Variants in KLRG1 observed in about 807,000 individuals in gnomAD.
KLRG1 encodes the protein killer cell lectin-like receptor subfamily G member 1.
KLRG1 carries 16 observed loss-of-function variants against 21.8 expected under a neutral mutation model. The observed-to-expected ratio is 0.73, with a 90% CI of 0.50 to 1.11. The LOEUF (loss-of-function observed/expected upper bound fraction) is 1.11, where lower values mean the gene tolerates loss of function less well. KLRG1 is among the 50% of genes most tolerant of loss of function. The probability of loss-of-function intolerance (pLI) is 0.00; values close to 1 mark genes in which losing one functional copy is unlikely to be tolerated. For missense variants in KLRG1, 173 were observed against 218.3 expected (o/e 0.79, Z 1.31); for synonymous variants, 69 against 75.9 (o/e 0.91, Z 0.47).
the KLRG1 span, chr12:9,169,509 G>A: frequency 1.9e-6 from 3 of 1,612,024 alleles, no homozygotes; most frequent in South Asian, 1.1e-5. Context: ...GAAAGGACGG[G>A]GACAGTGTCC....
chr12:9,132,369 T>C, the KLRG1 span, among the ~76,000 whole-genome samples: 1 of 152,244 alleles, frequency 6.6e-6, no homozygotes, highest in Non-Finnish European at 1.5e-5. Context: ...TGAAACAACA[T>C]ACAGTGTTAA....
At chr12:9,202,863 G>C in the KLRG1 span, among the ~76,000 whole-genome samples, 14 of 152,164 alleles carry the variant, frequency 9.2e-5, no homozygotes, top group African/African-American at 3.4e-4. Flanking sequence ...GTATCAGTAA[G>C]AGTGGCCATC....
At chr12:9,197,960 A>G in the KLRG1 span, among the ~76,000 whole-genome samples, 1 of 134,122 alleles carries the variant, frequency 7.5e-6, no homozygotes, top group African/African-American at 2.8e-5. Context: ...TTACATATTT[A>G]TATATTATAT....
chr12:9,205,769 C>A, the KLRG1 span, among the ~76,000 whole-genome samples: 17 of 152,250 alleles, frequency 1.1e-4, no homozygotes, highest in African/African-American at 3.9e-4. Flanking sequence ...GTTTTCTGGA[C>A]AGGCAATTTG....
At chr12:9,189,277 C>G in the KLRG1 span, among the ~76,000 whole-genome samples, 1 of 152,206 alleles carries the variant, frequency 6.6e-6, no homozygotes, top group Non-Finnish European at 1.5e-5. Flanking sequence ...ACCAAAACAG[C>G]ATAGTACTTG....
chr12:9,089,790 AG>A, the KLRG1 span: 1 of 782,146 alleles, frequency 1.3e-6, no homozygotes, highest in Non-Finnish European at 1.8e-6. Context: ...ATCAAGAGAG[AG>A]ATAGGACAGA....
the KLRG1 span, among the ~76,000 whole-genome samples, chr12:9,146,644 A>G: frequency 6.6e-6 from 1 of 152,068 alleles, no homozygotes; most frequent in Non-Finnish European, 1.5e-5. Flanking sequence ...AGTCTTGTAT[A>G]GGAGAAGGTT....
At chr12:8,985,860 C>T (rs1158718847), upstream of KLRG1, among the ~76,000 whole-genome samples, 2 of 152,082 alleles carry the variant, frequency 1.3e-5, no homozygotes, top group East Asian at 1.9e-4. Flanking sequence ...TTGCTGCTGA[C>T]CCCCTCCCCT....
At chr12:9,052,351 A>G in the KLRG1 span, among the ~76,000 whole-genome samples, 1 of 152,134 alleles carries the variant, frequency 6.6e-6, no homozygotes, top group Non-Finnish European at 1.5e-5. Flanking sequence ...CTCCCTCAGC[A>G]TAGTCTGACT....
intron 1 of KLRG1, among the ~76,000 whole-genome samples, chr12:8,967,583 G>A (rs557309186): frequency 2.5e-4 from 32 of 126,478 alleles, no homozygotes; most frequent in African/African-American, 6.9e-4. Flanking sequence ...TTAGCCAGGC[G>A]TGGTGGTGCA....
At chr12:9,197,046 T>C in the KLRG1 span, 1 of 1,613,512 alleles carries the variant, frequency 6.2e-7, no homozygotes, top group Non-Finnish European at 8.5e-7. Flanking sequence ...CTCCTGCTTG[T>C]CACAATTAAG....
At chr12:9,099,409 T>C in the KLRG1 span, 1 of 1,567,506 alleles carries the variant, frequency 6.4e-7, no homozygotes, top group East Asian at 2.4e-5. Context: ...TTCAACATCA[T>C]ATTTTGCAGA....
chr12:9,103,959 T>C, the KLRG1 span, among the ~76,000 whole-genome samples: 4 of 152,208 alleles, frequency 2.6e-5, no homozygotes. Context: ...ATTTGGTAAT[T>C]CTATTTTTTA....
chr12:8,959,084 A>T (rs1274436218), intron 1 of KLRG1, among the ~76,000 whole-genome samples: 1 of 152,222 alleles, frequency 6.6e-6, no homozygotes, highest in African/African-American at 2.4e-5. Flanking sequence ...GGGCCAAGAT[A>T]ACTATAAGAG....
intron 3 of KLRG1, among the ~76,000 whole-genome samples, chr12:9,008,254 G>T (rs947013228): frequency 1.3e-4 from 20 of 152,182 alleles, no homozygotes; most frequent in Admixed American, 1.2e-3. Flanking sequence ...TGCAGCAAAT[G>T]TTTAGCTTCT....
chr12:9,083,905 CA>C, the KLRG1 span, among the ~76,000 whole-genome samples: 317 of 150,818 alleles, frequency 2.1e-3, 2 homozygotes, highest in African/African-American at 7.1e-3. Context: ...AAATCAAAGA[CA>C]AAAAAAAATT....
chr12:8,985,185 G>A (rs1242951159), upstream of KLRG1, among the ~76,000 whole-genome samples: 4 of 139,410 alleles, frequency 2.9e-5, no homozygotes, highest in Admixed American at 7.2e-5. Flanking sequence ...TTTTTTTTTC[G>A]TGAACTTGAT....
chr12:9,021,447 C>T, the KLRG1 span, among the ~76,000 whole-genome samples: 1 of 146,000 alleles, frequency 6.8e-6, no homozygotes, highest in Non-Finnish European at 1.5e-5. Flanking sequence ...GTCACCTAGA[C>T]TGGAGTGCAG....
At chr12:9,054,649 T>A in the KLRG1 span, among the ~76,000 whole-genome samples, 4 of 152,220 alleles carry the variant, frequency 2.6e-5, no homozygotes, top group Non-Finnish European at 4.4e-5. Context: ...GTTGCTCTAT[T>A]TTGCTACTGA....
Sources: gnomAD v4.1 joint callset for allele counts (sites outside exome capture counted in the v4.1 genomes callset) on GRCh38, gnomAD v4.1.1 for gene constraint, MANE v1.5 for transcripts, NCBI Gene and HGNC (gene_info 2026-07-23, HGNC 2026-07-21) for gene names.